The following CCSER1 variants were observed in gnomAD, a reference collection of about 807,000 sequenced individuals.
CCSER1 encodes serine-rich coiled-coil domain-containing protein 1.
Under a neutral mutation model 82.0 loss-of-function variants are expected in CCSER1, and 41 were observed. That is an observed-to-expected ratio of 0.50 (90% CI 0.39 to 0.65). The LOEUF is 0.65. Among genes scored for constraint, CCSER1 ranks in the 30% least tolerant of loss-of-function variants. The pLI is 0.00. For missense variants in CCSER1, 1,119 were observed against 1,064.2 expected, an observed-to-expected ratio of 1.05 and a Z score of -0.72; for synonymous variants, 414 against 383.9, an observed-to-expected ratio of 1.08 and a Z score of -0.92.
chr4:90,354,127 G>T (rs1352513624), intron 3 of CCSER1, among the ~76,000 whole-genome samples: 2 of 152,086 alleles, frequency 1.3e-5, no homozygotes, highest in African/African-American at 4.8e-5. Context: ...AAAAAAGAAG[G>T]AATTCTGCCA....
At chr4:91,284,694 T>A (rs1743144191) in intron 10 of CCSER1, among the ~76,000 whole-genome samples, 1 of 152,112 alleles carries the variant, frequency 6.6e-6, no homozygotes. Context: ...ACCTCCATTA[T>A]AGACTGCTAC....
At chr4:90,491,221 A>G (rs1295617381) in intron 5 of CCSER1, among the ~76,000 whole-genome samples, 1 of 152,152 alleles carries the variant, frequency 6.6e-6, no homozygotes, top group Non-Finnish European at 1.5e-5. Context: ...TTCTCCTTGA[A>G]GAGGTCCTTC....
intron 5 of CCSER1, among the ~76,000 whole-genome samples, chr4:90,563,360 T>G (rs2153649061): frequency 6.7e-6 from 1 of 150,186 alleles, no homozygotes; most frequent in South Asian, 2.1e-4. Flanking sequence ...TTTGCCCGCC[T>G]CAGGCTCCCA....
intron 9 of CCSER1, among the ~76,000 whole-genome samples, chr4:91,023,464 G>A (rs1176928199): frequency 6.6e-6 from 1 of 152,158 alleles, no homozygotes; most frequent in African/African-American, 2.4e-5. Flanking sequence ...CAGAGATATA[G>A]ATCAATGGGA....
chr4:90,463,418 T>C (rs1763194909), intron 4 of CCSER1, among the ~76,000 whole-genome samples: 1 of 152,144 alleles, frequency 6.6e-6, no homozygotes, highest in Admixed American at 6.5e-5. Flanking sequence ...CCTTGAAAAG[T>C]GCAATGACAG....
intron 8 of CCSER1, among the ~76,000 whole-genome samples, chr4:90,857,338 C>T (rs754929530): frequency 1.3e-5 from 2 of 152,038 alleles, no homozygotes; most frequent in Non-Finnish European, 2.9e-5. Context: ...CACAGTTCCT[C>T]AGTAGCTGTT....
chr4:91,156,580 TTTTAA>T (rs1560475461), intron 10 of CCSER1, among the ~76,000 whole-genome samples: 2 of 151,766 alleles, frequency 1.3e-5, no homozygotes, highest in African/African-American at 4.8e-5. Flanking sequence ...AAGAATTAAA[TTTTAA>T]TTTAAGAAAA....
chr4:90,972,981 A>G lies in CCSER1; in HGVS notation c.2172+49534A>G, dbSNP rs548019611. 1.2e-3 allele frequency among the ~76,000 whole-genome samples: 187 copies of G among 151,896 alleles called. 3 individuals carry two copies. Among genetic ancestry groups the G allele is most frequent in the African/African-American group, 4.5e-3 (185 of 41,450 alleles). On this transcript the variant is annotated intron_variant, in intron 9 of 10. Coordinates refer to ENST00000509176, the MANE Select transcript of CCSER1 (RefSeq NM_001145065.2). ...TCCATATGTAGAAGAAAGAAACTGGACCATTATCTCACACTATATATAAAA... is the reference window on the plus strand; with the variant it reads ...TCCATATGTAGAAGAAAGAAACTGGGCCATTATCTCACACTATATATAAAA...
At chr4:90,966,348 G>T (rs987673179) in intron 9 of CCSER1, among the ~76,000 whole-genome samples, 1 of 152,018 alleles carries the variant, frequency 6.6e-6, no homozygotes, top group Non-Finnish European at 1.5e-5. Context: ...TGTGAAGACA[G>T]CAAGAGAAGA....
chr4:90,700,057 A>T (rs1401192538), intron 6 of CCSER1, among the ~76,000 whole-genome samples: 1 of 151,876 alleles, frequency 6.6e-6, no homozygotes, highest in Non-Finnish European at 1.5e-5. Flanking sequence ...TTACATATGT[A>T]TACATGTGCC....
chr4:90,743,118 C>A (rs1391081903), intron 7 of CCSER1, among the ~76,000 whole-genome samples: 2 of 151,912 alleles, frequency 1.3e-5, no homozygotes, highest in East Asian at 1.9e-4. Flanking sequence ...TTTGGTCTTG[C>A]CTACAATAAA....
At chr4:90,706,476 T>C (rs1007943727) in intron 6 of CCSER1, among the ~76,000 whole-genome samples, 41 of 152,088 alleles carry the variant, frequency 2.7e-4, no homozygotes, top group African/African-American at 9.9e-4. Context: ...AAATTAAGAT[T>C]AAAACAAATA....
At chr4:91,293,944 C>T (rs144106001) in intron 10 of CCSER1, among the ~76,000 whole-genome samples, 113 of 151,994 alleles carry the variant, frequency 7.4e-4, no homozygotes, top group African/African-American at 2.4e-3. Flanking sequence ...TTCCTCTGGC[C>T]TTTCAGGAGT....
intron 3 of CCSER1, among the ~76,000 whole-genome samples, chr4:90,340,248 AC>A (rs1272881806): frequency 6.6e-6 from 1 of 152,144 alleles, no homozygotes; most frequent in African/African-American, 2.4e-5. Flanking sequence ...GATTATTTTT[AC>A]CTTAGAATAC....
intron 4 of CCSER1, among the ~76,000 whole-genome samples, chr4:90,412,026 G>C (rs1754932338): frequency 6.6e-6 from 1 of 151,850 alleles, no homozygotes; most frequent in Non-Finnish European, 1.5e-5. Flanking sequence ...TATGTTTATT[G>C]CGGCACTATT....
intron 10 of CCSER1, among the ~76,000 whole-genome samples, chr4:91,282,337 A>G (rs1354179540): frequency 1.3e-5 from 2 of 152,176 alleles, no homozygotes; most frequent in Non-Finnish European, 2.9e-5. Context: ...TCAAAGTAGT[A>G]AACATTAGTC....
At chr4:90,687,786 A>C (rs1163700168) in intron 6 of CCSER1, among the ~76,000 whole-genome samples, 2 of 152,152 alleles carry the variant, frequency 1.3e-5, no homozygotes, top group Non-Finnish European at 2.9e-5. Context: ...AGGAAGGACT[A>C]ATATAAAATG....
intron 10 of CCSER1, among the ~76,000 whole-genome samples, chr4:91,315,283 C>A (rs1211541309): frequency 6.6e-6 from 1 of 151,836 alleles, no homozygotes; most frequent in Non-Finnish European, 1.5e-5. Context: ...TGGAAGCCAG[C>A]CCCATACATT....
chr4:90,983,418 G>T (rs1332502628), intron 9 of CCSER1, among the ~76,000 whole-genome samples: 6 of 151,488 alleles, frequency 4.0e-5, no homozygotes, highest in African/African-American at 1.5e-4. Flanking sequence ...AATAATTTGG[G>T]TAGAGAACTG....
Sources: gnomAD v4.1 joint callset for allele counts (sites outside exome capture counted in the v4.1 genomes callset) on GRCh38, gnomAD v4.1.1 for gene constraint, MANE v1.5 for transcripts, NCBI Gene and HGNC (gene_info 2026-07-23, HGNC 2026-07-21) for gene names.